Variants in SLC12A7 observed in about 807,000 individuals in gnomAD.
SLC12A7 encodes solute carrier family 12 member 7, also known as K-Cl cotransporter 4.
Under a neutral mutation model 120.6 loss-of-function variants are expected in SLC12A7, and 100 were observed. The observed-to-expected ratio is 0.83, with a 90% CI of 0.71 to 0.98. The LOEUF (loss-of-function observed/expected upper bound fraction) is 0.98, where lower values mean the gene tolerates loss of function less well. Among genes scored for constraint, SLC12A7 ranks in the 50% least tolerant of loss-of-function variants. The pLI is 0.00. For synonymous variants in SLC12A7, 760 were observed against 678.0 expected (o/e 1.12, Z -1.88); for missense variants, 1,373 against 1,548.1 (o/e 0.89, Z 1.90).
At chr5:1,121,241 C>A in the SLC12A7 span, among the ~76,000 whole-genome samples, 1 of 152,262 alleles carries the variant, frequency 6.6e-6, no homozygotes, top group Non-Finnish European at 1.5e-5. Context: ...CCAGTGTGGT[C>A]CCCAGACACA....
At chr5:1,056,126 C>T (rs921510642) in intron 22 of SLC12A7, among the ~76,000 whole-genome samples, 17 of 152,162 alleles carry the variant, frequency 1.1e-4, no homozygotes, top group Non-Finnish European at 2.2e-4. Context: ...GCCGAGGGTC[C>T]GACCACACAG....
intron 1 of SLC12A7, among the ~76,000 whole-genome samples, chr5:1,102,155 C>T (rs892366576): frequency 2.6e-5 from 4 of 152,188 alleles, no homozygotes; most frequent in African/African-American, 9.7e-5. Flanking sequence ...GAGGCGGCTG[C>T]AGGTGGAAGG....
intron 1 of SLC12A7, among the ~76,000 whole-genome samples, chr5:1,097,759 C>T (rs1178356762): frequency 4.6e-5 from 7 of 152,088 alleles, no homozygotes; most frequent in South Asian, 4.1e-4. Flanking sequence ...AACATGTGAG[C>T]GTGTGTTCAG....
In SLC12A7 at chr5:1,056,861, C is replaced by T. The variant is rs796109049; in HGVS notation, c.3026+610G>A. 7.2e-5 allele frequency among the ~76,000 whole-genome samples: 11 copies of T among 152,338 alleles called. No individual in the cohort carries two copies. In the East Asian group the frequency reaches 9.7e-4, roughly 13 times the overall value. ...AAGGACCCTGTACAGCCCTGGTGTT[C>T]GCAGCCCAAGGCCACAGGTGGGAGC... On this transcript the variant is annotated intron_variant, in intron 22 of 23. Transcript: ENST00000264930.
intron 17 of SLC12A7, among the ~76,000 whole-genome samples, chr5:1,069,716 C>A (rs979329204): frequency 6.6e-6 from 1 of 152,068 alleles, no homozygotes; most frequent in Non-Finnish European, 1.5e-5. Context: ...AGAAGTAACT[C>A]CAGGTGACGT....
chr5:1,064,035 C>A (rs199829222), intron 19 of SLC12A7, 48 bp downstream of exon 19: 9 of 1,601,378 alleles, frequency 5.6e-6, no homozygotes, highest in East Asian at 2.2e-5. Flanking sequence ...GCCCGCAGCA[C>A]GTGGGGTGGC....
chr5:1,061,799 G>GA (rs36074518), intron 20 of SLC12A7, among the ~76,000 whole-genome samples: 11,272 of 70,726 alleles, frequency 0.16, 1,049 homozygotes, highest in African/African-American at 0.29. Flanking sequence ...AAAATACAAA[G>GA]AAAAAAAAAA....
chr5:1,052,943 G>A lies in SLC12A7; in HGVS notation c.3160+406C>T, dbSNP rs747196813. 7.0e-4 allele frequency among the ~76,000 whole-genome samples: 106 copies of A among 152,348 alleles called. 1 individual carries two copies. Among genetic ancestry groups the A allele is most frequent in the Non-Finnish European group, 3.2e-4 (22 of 68,026 alleles). ...CCAAAGCACAAATTCCCAAAGCTGCGACCAATTGTGGCCTTAAAGCCGAGA... is the reference window on the plus strand; with the variant it reads ...CCAAAGCACAAATTCCCAAAGCTGCAACCAATTGTGGCCTTAAAGCCGAGA... On this transcript the variant is annotated intron_variant, in intron 23 of 23. Transcript: ENST00000264930.
the SLC12A7 span, among the ~76,000 whole-genome samples, chr5:1,134,538 A>C: frequency 6.6e-6 from 1 of 152,204 alleles, no homozygotes; most frequent in Non-Finnish European, 1.5e-5. Flanking sequence ...ATGCTGTAAG[A>C]ATGTGAAAAT....
intron 1 of SLC12A7, among the ~76,000 whole-genome samples, chr5:1,096,344 G>A (rs377391352): frequency 2.0e-5 from 3 of 152,166 alleles, no homozygotes; most frequent in East Asian, 1.9e-4. Flanking sequence ...GCAGATGGGC[G>A]TTCTCCACAC....
the SLC12A7 span, among the ~76,000 whole-genome samples, chr5:1,128,354 C>T: frequency 6.6e-6 from 1 of 152,190 alleles, no homozygotes; most frequent in Non-Finnish European, 1.5e-5. Context: ...CTGGTGGCCT[C>T]GCTCCAGGAA....
intron 8 of SLC12A7, among the ~76,000 whole-genome samples, chr5:1,082,355 G>A (rs1449789954): frequency 2.7e-5 from 3 of 109,570 alleles, no homozygotes; most frequent in Admixed American, 9.0e-5. Context: ...TCGGGTTCTG[G>A]AAAGTCCAGG....
At chr5:1,106,248 T>C (rs1240900263) in intron 1 of SLC12A7, among the ~76,000 whole-genome samples, 1 of 151,028 alleles carries the variant, frequency 6.6e-6, no homozygotes, top group African/African-American at 2.4e-5. Flanking sequence ...AGGCCAGGAG[T>C]TCAAAACCAG....
the SLC12A7 span, among the ~76,000 whole-genome samples, chr5:1,150,130 A>G: frequency 2.6e-5 from 4 of 152,328 alleles, no homozygotes; most frequent in Admixed American, 6.5e-5. Context: ...GTTGAGTTGT[A>G]GGAGTTCTTG....
upstream of SLC12A7, among the ~76,000 whole-genome samples, chr5:1,114,498 G>A (rs185448531): frequency 1.9e-4 from 29 of 152,184 alleles, no homozygotes; most frequent in Admixed American, 7.9e-4. Context: ...GTGGGTTTCC[G>A]TGTCCACGTA....
At chr5:1,065,974 G>A (rs947747523) in intron 17 of SLC12A7, among the ~76,000 whole-genome samples, 6 of 152,170 alleles carry the variant, frequency 3.9e-5, no homozygotes, top group Admixed American at 2.6e-4. Context: ...GGGTTGGAGG[G>A]GGTCACTGCT....
the SLC12A7 span, among the ~76,000 whole-genome samples, chr5:1,147,984 C>G: frequency 1.3e-5 from 2 of 152,010 alleles, no homozygotes; most frequent in Non-Finnish European, 2.9e-5. Flanking sequence ...ATTCCCCCAC[C>G]TCAGCCTCCC....
chr5:1,111,964 C>T lies in SLC12A7; in HGVS notation c.28G>A (p.Val10Met), dbSNP rs1313047520. The T allele has an allele frequency of 8.5e-6, 11 of 1,291,838 alleles. No homozygotes were observed. The highest frequency in any genetic ancestry group is 1.1e-5 in the Non-Finnish European group (11 of 1,019,864). The allele number at this position is 1,291,838 out of a possible 1,614,324, so 80.0% of individuals were successfully genotyped here. A position where few individuals can be genotyped will look rare whatever the true frequency, so the allele number is the denominator to read the frequency against. ...CCGCCGCCGTCGGCGTGAGCCTCCACGGGCACCACGGTGAAGTTGGTGGGC... is the reference window on the plus strand; with the variant it reads ...CCGCCGCCGTCGGCGTGAGCCTCCATGGGCACCACGGTGAAGTTGGTGGGC... The part of the protein sequence containing the change: MPTNFTVVP[V>M]EAHADGGGDE... The change falls in exon 1 of 24, where the codon GTG (valine) becomes ATG (methionine). Residue 10 changes from valine to methionine, a missense_variant. Coordinates refer to ENST00000264930, the MANE Select transcript of SLC12A7 (RefSeq NM_006598.3).
At chr5:1,088,749 G>A (rs767849351) in intron 4 of SLC12A7, among the ~76,000 whole-genome samples, 5 of 152,308 alleles carry the variant, frequency 3.3e-5, no homozygotes, top group South Asian at 2.1e-4. Context: ...CAGTCAACAC[G>A]CCAGCACTAA....
Sources: gnomAD v4.1 joint callset for allele counts (sites outside exome capture counted in the v4.1 genomes callset) on GRCh38, gnomAD v4.1.1 for gene constraint, MANE v1.5 for transcripts, NCBI Gene and HGNC (gene_info 2026-07-23, HGNC 2026-07-21) for gene names.